The following HPSE2 variants were observed in gnomAD, a reference collection of about 807,000 sequenced individuals.
HPSE2 encodes the protein heparanase 2 (inactive).
Under a neutral mutation model 60.5 loss-of-function variants are expected in HPSE2, and 38 were observed. The observed-to-expected ratio is 0.63, with a 90% CI of 0.48 to 0.82. The LOEUF is 0.82. Among genes scored for constraint, HPSE2 ranks in the 40% least tolerant of loss-of-function variants. HPSE2 has a pLI of 0.00. For synonymous variants in HPSE2, 295 were observed against 293.2 expected (o/e 1.01, Z -0.06); for missense variants, 713 against 740.4 (o/e 0.96, Z 0.43).
chr10:98,561,612 C>T (rs1226517532), intron 9 of HPSE2, among the ~76,000 whole-genome samples: 1 of 152,158 alleles, frequency 6.6e-6, no homozygotes, highest in African/African-American at 2.4e-5. Context: ...CTTTGGGAGG[C>T]CAAGGCAGGC....
At chr10:99,155,847 A>G in intron 2 of HPSE2, among the ~76,000 whole-genome samples, 1 of 151,698 alleles carries the variant, frequency 6.6e-6, no homozygotes. Flanking sequence ...CAAAATTGAT[A>G]GACCACTAGC....
At chr10:99,013,992 C>A in intron 3 of HPSE2, 1 of 349,308 alleles carries the variant, frequency 2.9e-6, no homozygotes, top group South Asian at 2.3e-5. Flanking sequence ...CCCAGACCGC[C>A]TGGCCTCCCT....
rs775634303 is a variant in HPSE2 at position 99,195,475 on chromosome 10, TA to T, written c.448+36872del. Among the ~76,000 whole-genome samples, 770 of 150,796 alleles carry T rather than the reference TA, an allele frequency of 5.1e-3. 5 individuals carry two copies. The highest frequency in any genetic ancestry group is 0.017 in the African/African-American group (719 of 41,194). On this transcript the variant is annotated intron_variant, in intron 2 of 11. Transcript: ENST00000370552. Reference sequence around the variant, plus strand: ...ATTTGGAAAAAAACAAAGACTCCATTAAAAAAAAACTATTAGAACTGATAAG... The same window carrying T: ...ATTTGGAAAAAAACAAAGACTCCATTAAAAAAAACTATTAGAACTGATAAG...
At chr10:99,178,540 GAC>G (rs1564871850) in intron 2 of HPSE2, among the ~76,000 whole-genome samples, 1 of 152,026 alleles carries the variant, frequency 6.6e-6, no homozygotes, top group East Asian at 1.9e-4. Context: ...TAAATTCCTG[GAC>G]ACATACACCC....
In HPSE2 at chr10:98,846,123, A is replaced by T. The variant is rs1331442644; in HGVS notation, c.611-102067T>A. Reference sequence around the variant, plus strand: ...GACTGATTCTTCAGGGGAATATGATATTATTATAAACTTACTGATTTTGTC... The same window carrying T: ...GACTGATTCTTCAGGGGAATATGATTTTATTATAAACTTACTGATTTTGTC... On this transcript the variant is annotated intron_variant, in intron 3 of 11. Transcript: ENST00000370552. Among the ~76,000 whole-genome samples the T allele has an allele frequency of 7.2e-5, 11 of 152,352 alleles. No homozygotes were observed. The East Asian group carries it at 2.1e-3, about 29-fold the overall frequency.
chr10:98,967,894 A>C (rs1052937730), intron 3 of HPSE2, among the ~76,000 whole-genome samples: 2 of 152,052 alleles, frequency 1.3e-5, no homozygotes, highest in Non-Finnish European at 2.9e-5. Context: ...GGAATATCTG[A>C]CCAGTAAAGA....
chr10:98,963,026 G>T (rs959708424), intron 3 of HPSE2, among the ~76,000 whole-genome samples: 1 of 152,118 alleles, frequency 6.6e-6, no homozygotes, highest in East Asian at 1.9e-4. Context: ...TTGAAAACTT[G>T]ATTCACCTCC....
chr10:99,206,476 C>T lies in HPSE2; in HGVS notation c.448+25872G>A, dbSNP rs140561108. 2.6e-3 allele frequency among the ~76,000 whole-genome samples: 396 copies of T among 151,082 alleles called. 2 individuals carry two copies. Among genetic ancestry groups the T allele is most frequent in the Non-Finnish European group, 4.9e-3 (331 of 67,886 alleles). On this transcript the variant is annotated intron_variant, in intron 2 of 11. Transcript: ENST00000370552. ...GGGGTGGTGGCATGCGCTATGGTCTCAGCTACCTGGGAGGCTGAGGTAGCA... is the reference window on the plus strand; with the variant it reads ...GGGGTGGTGGCATGCGCTATGGTCTTAGCTACCTGGGAGGCTGAGGTAGCA...
rs4600143 is a variant in HPSE2 at position 98,493,923 on chromosome 10, C to T, written c.1321-3727G>A. The stretch of plus-strand genomic sequence containing the variant: ...TATTTTTTAGTGAAATGTTTAAATT[C>T]CTTTCTCATTACCTTTTGTGCATAT... On this transcript the variant is annotated intron_variant, in intron 9 of 11. Transcript: ENST00000370552. Among the ~76,000 whole-genome samples, 846 of 152,180 alleles carry T rather than the reference C, an allele frequency of 5.6e-3. 9 individuals carry two copies. The highest frequency in any genetic ancestry group is 0.02 in the African/African-American group (814 of 41,532).
chr10:99,068,174 A>G (rs1390409717), intron 3 of HPSE2, among the ~76,000 whole-genome samples: 1 of 152,138 alleles, frequency 6.6e-6, no homozygotes, highest in African/African-American at 2.4e-5. Context: ...ACTTGCCCGC[A>G]TCTTCCTGTC....
intron 3 of HPSE2, among the ~76,000 whole-genome samples, chr10:98,850,201 A>G (rs571234608): frequency 1.4e-4 from 21 of 152,334 alleles, no homozygotes; most frequent in South Asian, 2.1e-4. Flanking sequence ...TCTGATTAAA[A>G]AAAGGCCTCT....
chr10:99,109,117 A>G (rs182322787), intron 3 of HPSE2, among the ~76,000 whole-genome samples: 6 of 152,324 alleles, frequency 3.9e-5, no homozygotes, highest in Admixed American at 6.5e-5. Context: ...TGTGGAGTAC[A>G]TATACAAATC....
chr10:99,179,636 A>G (rs530242834), intron 2 of HPSE2, among the ~76,000 whole-genome samples: 1 of 152,292 alleles, frequency 6.6e-6, no homozygotes, highest in South Asian at 2.1e-4. Flanking sequence ...AAAACATTCC[A>G]TGCTTATGGA....
chr10:98,942,094 G>A (rs1046799153), intron 3 of HPSE2, among the ~76,000 whole-genome samples: 1 of 142,288 alleles, frequency 7.0e-6, no homozygotes, highest in Non-Finnish European at 1.5e-5. Context: ...ATGGATTAAA[G>A]ACTTAAACAT....
At chr10:98,744,463 G>T (rs534519748) in intron 3 of HPSE2, among the ~76,000 whole-genome samples, 29 of 152,114 alleles carry the variant, frequency 1.9e-4, no homozygotes, top group African/African-American at 6.3e-4. Context: ...GGAAGCTGAG[G>T]TTGTGGTGAG....
At chr10:98,652,894 C>G (rs1946955777) in intron 6 of HPSE2, among the ~76,000 whole-genome samples, 1 of 152,098 alleles carries the variant, frequency 6.6e-6, no homozygotes, top group South Asian at 2.1e-4. Flanking sequence ...GCTAGGAGAG[C>G]TGGTTTTCCA....
the HPSE2 span, among the ~76,000 whole-genome samples, chr10:99,251,160 A>C: frequency 6.6e-6 from 1 of 152,142 alleles, no homozygotes; most frequent in African/African-American, 2.4e-5. Flanking sequence ...AAATGACAGA[A>C]GTGACAACCA....
chr10:98,481,181 C>T (rs1941220434), intron 11 of HPSE2, among the ~76,000 whole-genome samples: 1 of 152,128 alleles, frequency 6.6e-6, no homozygotes, highest in Non-Finnish European at 1.5e-5. Context: ...GCCCTTCTGT[C>T]AGAAATGGCT....
At chr10:98,743,557 T>G (rs1468046703) in intron 4 of HPSE2, among the ~76,000 whole-genome samples, 1 of 152,194 alleles carries the variant, frequency 6.6e-6, no homozygotes, top group Non-Finnish European at 1.5e-5. Flanking sequence ...ACACACATTG[T>G]AAAAGGCAGC....
Sources: gnomAD v4.1 joint callset for allele counts (sites outside exome capture counted in the v4.1 genomes callset) on GRCh38, gnomAD v4.1.1 for gene constraint, MANE v1.5 for transcripts, NCBI Gene and HGNC (gene_info 2026-07-23, HGNC 2026-07-21) for gene names.